Variants in SDK1 observed in about 807,000 individuals in gnomAD.
SDK1 encodes protein sidekick-1.
SDK1 carries 157 observed loss-of-function variants against 245.5 expected under a neutral mutation model. That is an observed-to-expected ratio of 0.64 (90% CI 0.56 to 0.73). The LOEUF is 0.73. Ranked by LOEUF, SDK1 falls within the 30% of genes least tolerant of loss-of-function variation. The pLI is 0.00. For synonymous variants in SDK1, 1,647 were observed against 1,278.5 expected (o/e 1.29, Z -6.15); for missense variants, 3,583 against 3,002.3 (o/e 1.19, Z -4.52).
At chr7:3,441,380 C>A (rs772719788) in intron 1 of SDK1, among the ~76,000 whole-genome samples, 11 of 151,606 alleles carry the variant, frequency 7.3e-5, no homozygotes, top group African/African-American at 2.7e-4. Flanking sequence ...GATCCAAAAT[C>A]TCAAAAAAAC....
intron 1 of SDK1, among the ~76,000 whole-genome samples, chr7:3,614,747 G>A (rs764400935): frequency 5.3e-5 from 8 of 152,126 alleles, no homozygotes; most frequent in Non-Finnish European, 8.8e-5. Flanking sequence ...GTCAAAATAC[G>A]TGTCGTTATG....
At chr7:3,355,689 C>T (rs1036037902) in intron 1 of SDK1, among the ~76,000 whole-genome samples, 1 of 152,050 alleles carries the variant, frequency 6.6e-6, no homozygotes, top group Admixed American at 6.5e-5. Flanking sequence ...CTGCAGACAC[C>T]CGTCATTGCA....
intron 35 of SDK1, among the ~76,000 whole-genome samples, chr7:4,198,555 C>T (rs1005062613): frequency 1.3e-5 from 2 of 152,176 alleles, no homozygotes; most frequent in African/African-American, 4.8e-5. Flanking sequence ...ATTGGAACAC[C>T]GCCACACCCG....
chr7:3,363,025 G>A (rs560324677), intron 1 of SDK1, among the ~76,000 whole-genome samples: 1 of 152,238 alleles, frequency 6.6e-6, no homozygotes, highest in South Asian at 2.1e-4. Context: ...CTTGTTAAAT[G>A]TGGAGCAATG....
intron 4 of SDK1, among the ~76,000 whole-genome samples, chr7:3,725,799 G>T (rs1339789112): frequency 1.3e-5 from 2 of 152,152 alleles, no homozygotes; most frequent in Non-Finnish European, 2.9e-5. Flanking sequence ...TATAAGCATG[G>T]TCACGAATGA....
At chr7:4,228,796 C>A (rs1212277609) in intron 40 of SDK1, among the ~76,000 whole-genome samples, 2 of 152,132 alleles carry the variant, frequency 1.3e-5, no homozygotes, top group African/African-American at 4.8e-5. Flanking sequence ...CCTCGGTCTC[C>A]CAAAGTGCTG....
chr7:3,666,752 A>C (rs916640298), intron 4 of SDK1, among the ~76,000 whole-genome samples: 1 of 152,196 alleles, frequency 6.6e-6, no homozygotes, highest in African/African-American at 2.4e-5. Flanking sequence ...ATTTGTGAAA[A>C]CAAAAAAAAT....
intron 5 of SDK1, among the ~76,000 whole-genome samples, chr7:3,913,794 C>G (rs561146401): frequency 7.2e-5 from 11 of 152,276 alleles, no homozygotes; most frequent in African/African-American, 2.6e-4. Context: ...TAGACAGATG[C>G]TGACCCCTGA....
intron 28 of SDK1, among the ~76,000 whole-genome samples, chr7:4,140,393 G>C (rs1779503145): frequency 6.6e-6 from 1 of 152,214 alleles, no homozygotes; most frequent in Non-Finnish European, 1.5e-5. Context: ...GCGTGGCTCT[G>C]GAGCTGGGCC....
chr7:3,851,360 C>T (rs1271657805), intron 5 of SDK1, among the ~76,000 whole-genome samples: 1 of 151,982 alleles, frequency 6.6e-6, no homozygotes, highest in Non-Finnish European at 1.5e-5. Context: ...ATTTAATTTC[C>T]TTTTTATGTT....
chr7:3,982,889 CAATATT>C (rs1349638241), intron 13 of SDK1, among the ~76,000 whole-genome samples: 1 of 151,358 alleles, frequency 6.6e-6, no homozygotes, highest in Non-Finnish European at 1.5e-5. Flanking sequence ...ATCACAATAT[CAATATT>C]AACAGGAGTT....
At chr7:3,762,396 G>A (rs1488575605) in intron 4 of SDK1, among the ~76,000 whole-genome samples, 4 of 152,220 alleles carry the variant, frequency 2.6e-5, no homozygotes, top group Non-Finnish European at 4.4e-5. Flanking sequence ...TCTCCTGCAC[G>A]ACCCTCTAGA....
intron 1 of SDK1, among the ~76,000 whole-genome samples, chr7:3,315,908 C>T (rs1006880319): frequency 6.6e-6 from 1 of 151,954 alleles, no homozygotes; most frequent in Non-Finnish European, 1.5e-5. Flanking sequence ...AAAAGCATGC[C>T]ATATTTTAAG....
rs1486926440 is a variant in SDK1 at position 4,074,856 on chromosome 7, T to TACTTTCTCTCTCTCTCTCTC, written c.3011-2142_3011-2141insACTTTCTCTCTCTCTCTCTC. On this transcript the variant is annotated intron_variant, in intron 20 of 44. Transcript: ENST00000404826. ...CCAGCCTGGGCAACAGAGCAAGACT[T>TACTTTCTCTCTCTCTCTCTC]TCTCTCTCTCTCTCTCTCTCTCTCT... is the stretch of plus-strand genomic sequence containing the variant. Among the ~76,000 whole-genome samples the TACTTTCTCTCTCTCTCTCTC allele has an allele frequency of 3.2e-3, 228 of 71,466 alleles. 17 individuals are homozygous for TACTTTCTCTCTCTCTCTCTC. Among genetic ancestry groups the TACTTTCTCTCTCTCTCTCTC allele is most frequent in the African/African-American group, 8.9e-3 (91 of 10,238 alleles). 46.9% of individuals were successfully genotyped at this position (71,466 alleles called of 152,430 possible). A position where few individuals can be genotyped will look rare whatever the true frequency, so the allele number is the denominator to read the frequency against.
chr7:3,529,480 G>A (rs1783269065), intron 1 of SDK1, among the ~76,000 whole-genome samples: 1 of 152,098 alleles, frequency 6.6e-6, no homozygotes, highest in African/African-American at 2.4e-5. Flanking sequence ...GCCAAATTTT[G>A]GACAATTTGA....
At chr7:3,450,745 G>T (rs1182613455) in intron 1 of SDK1, among the ~76,000 whole-genome samples, 1 of 152,150 alleles carries the variant, frequency 6.6e-6, no homozygotes, top group South Asian at 2.1e-4. Context: ...CATTATCAGT[G>T]TATATAGGTG....
chr7:3,697,926 G>A (rs536838255), intron 4 of SDK1, among the ~76,000 whole-genome samples: 9 of 152,274 alleles, frequency 5.9e-5, no homozygotes, highest in African/African-American at 1.9e-4. Flanking sequence ...TATATGAAAA[G>A]CATAGGAAGA....
chr7:4,215,128 A>G (rs1429591297), intron 38 of SDK1, among the ~76,000 whole-genome samples: 1 of 152,184 alleles, frequency 6.6e-6, no homozygotes, highest in South Asian at 2.1e-4. Context: ...CACTAACCCC[A>G]GGCCTGTCCG....
At chr7:4,086,752 G>A (rs1562789641) in intron 22 of SDK1, among the ~76,000 whole-genome samples, 2 of 152,124 alleles carry the variant, frequency 1.3e-5, no homozygotes, top group South Asian at 2.1e-4. Context: ...CATCTGCAGA[G>A]CCTCTCCTGC....
Sources: allele counts gnomAD v4.1 joint callset (sites outside exome capture counted in the v4.1 genomes callset), GRCh38; gene constraint gnomAD v4.1.1; transcripts MANE v1.5; gene names NCBI Gene and HGNC (gene_info 2026-07-23, HGNC 2026-07-21).